Variants in KCNIP4 observed in about 807,000 individuals in gnomAD.
KCNIP4 encodes Kv channel-interacting protein 4.
In KCNIP4, 12 loss-of-function variants were observed where a neutral mutation model predicts 34.0. The ratio of observed to expected loss-of-function variants is 0.35; its 90% CI spans 0.23 to 0.57. KCNIP4 has a LOEUF of 0.57. Ranked by LOEUF, KCNIP4 falls within the 20% of genes least tolerant of loss-of-function variation. The pLI is 0.83. For synonymous variants in KCNIP4, 124 were observed against 102.2 expected (o/e 1.21, Z -1.29); for missense variants, 238 against 311.7 (o/e 0.76, Z 1.78).
rs1231187575 is a variant in KCNIP4 at position 21,234,487 on chromosome 4, G to A, written c.62-351778C>T. On this transcript the variant is annotated intron_variant, in intron 1 of 8. Coordinates refer to ENST00000382152, the MANE Select transcript of KCNIP4 (RefSeq NM_025221.6). Reference sequence around the variant, plus strand: ...GTATATAATATATAGTACATATAACGTATATAATATATATTACATATAACG... The same window carrying A: ...GTATATAATATATAGTACATATAACATATATAATATATATTACATATAACG... Among the ~76,000 whole-genome samples, 80 of 86,264 alleles carry A rather than the reference G, an allele frequency of 9.3e-4. 18 individuals are homozygous for A. The highest frequency in any genetic ancestry group is 1.7e-3 in the African/African-American group (27 of 15,988). The allele number at this position is 86,264 out of a possible 152,430, so 56.6% of individuals were successfully genotyped here. A position where few individuals can be genotyped will look rare whatever the true frequency, so the allele number is the denominator to read the frequency against.
intron 1 of KCNIP4, among the ~76,000 whole-genome samples, chr4:21,547,393 T>G (rs1289302196): frequency 6.6e-6 from 1 of 152,154 alleles, no homozygotes; most frequent in African/African-American, 2.4e-5. Context: ...TGTACATTTA[T>G]AGATTATATC....
intron 1 of KCNIP4, among the ~76,000 whole-genome samples, chr4:21,065,647 A>C (rs1744283587): frequency 6.7e-6 from 1 of 149,872 alleles, no homozygotes; most frequent in South Asian, 2.1e-4. Context: ...ACTACAATAT[A>C]ATCCAGTGGT....
At chr4:21,865,715 G>A (rs1242408015) in intron 1 of KCNIP4, among the ~76,000 whole-genome samples, 4 of 151,450 alleles carry the variant, frequency 2.6e-5, no homozygotes, top group Non-Finnish European at 5.9e-5. Context: ...GCTAATTTTT[G>A]TATTATTAGT....
chr4:21,023,596 A>C (rs920761082), intron 1 of KCNIP4, among the ~76,000 whole-genome samples: 2 of 152,192 alleles, frequency 1.3e-5, no homozygotes, highest in South Asian at 4.1e-4. Context: ...AACCATTAGG[A>C]AAATGAAAAT....
At chr4:21,822,696 TA>T (rs1417627165) in intron 1 of KCNIP4, among the ~76,000 whole-genome samples, 1 of 149,892 alleles carries the variant, frequency 6.7e-6, no homozygotes, top group African/African-American at 2.4e-5. Context: ...TTATTACCAG[TA>T]CAAAGTATAT....
chr4:21,532,045 T>C (rs1736724315), intron 1 of KCNIP4, among the ~76,000 whole-genome samples: 1 of 152,140 alleles, frequency 6.6e-6, no homozygotes, highest in Non-Finnish European at 1.5e-5. Context: ...ATGATACATA[T>C]TTTCTGAATA....
chr4:21,127,595 T>C (rs1341926118), intron 1 of KCNIP4, among the ~76,000 whole-genome samples: 1 of 152,200 alleles, frequency 6.6e-6, no homozygotes, highest in African/African-American at 2.4e-5. Flanking sequence ...ACTTTGCCTG[T>C]CCTGTTCACT....
chr4:21,121,343 GT>G (rs2109135751), intron 1 of KCNIP4, among the ~76,000 whole-genome samples: 1 of 152,206 alleles, frequency 6.6e-6, no homozygotes, highest in South Asian at 2.1e-4. Flanking sequence ...TTAAATCCTG[GT>G]TTTCTTGGTT....
intron 1 of KCNIP4, among the ~76,000 whole-genome samples, chr4:21,135,543 A>G (rs1423525078): frequency 6.6e-6 from 1 of 152,340 alleles, no homozygotes; most frequent in Non-Finnish European, 1.5e-5. Flanking sequence ...AAAATTGGCA[A>G]GTCCTACTGA....
At chr4:21,559,714 TCAAC>T (rs1246257555) in intron 1 of KCNIP4, among the ~76,000 whole-genome samples, 1 of 152,034 alleles carries the variant, frequency 6.6e-6, no homozygotes, top group African/African-American at 2.4e-5. Context: ...AGAGAAAGTA[TCAAC>T]CATATTTTAC....
intron 1 of KCNIP4, among the ~76,000 whole-genome samples, chr4:21,323,255 T>C (rs1246644222): frequency 1.3e-5 from 2 of 151,614 alleles, no homozygotes; most frequent in Non-Finnish European, 2.9e-5. Context: ...TTTTATCCTT[T>C]CTTTGTGTTA....
intron 1 of KCNIP4, among the ~76,000 whole-genome samples, chr4:21,179,752 C>T (rs1008464886): frequency 1.3e-5 from 2 of 152,112 alleles, no homozygotes; most frequent in East Asian, 3.8e-4. Flanking sequence ...TACAAAAAAA[C>T]TTATTTTCTT....
chr4:21,906,159 C>T (rs1210529851), intron 1 of KCNIP4, among the ~76,000 whole-genome samples: 1 of 152,176 alleles, frequency 6.6e-6, no homozygotes, highest in Non-Finnish European at 1.5e-5. Flanking sequence ...TATTTACTAC[C>T]TAGTTGTGGT....
rs1209033657 is a variant in KCNIP4 at position 21,304,041 on chromosome 4, GAGAGAGAGAGAGAGAGAGAGAGAGAGAC to G, written c.62-421360_62-421333del. ...AGGAGGAGAGCGTATGAGAGAGAGA[GAGAGAGAGAGAGAGAGAGAGAGAGAGAC>G]AGAGAGAGAGAGAGAGACAGAGAGA... On this transcript the variant is annotated intron_variant, in intron 1 of 8. Coordinates refer to ENST00000382152, the MANE Select transcript of KCNIP4 (RefSeq NM_025221.6). 5.7e-4 allele frequency: 290 copies of G among 508,024 alleles called. No individual in the cohort carries two copies. The African/African-American group carries it at 6.1e-3, about 11-fold the overall frequency. 31.5% of individuals were successfully genotyped at this position (508,024 alleles called of 1,614,324 possible). A position where few individuals can be genotyped will look rare whatever the true frequency, so the allele number is the denominator to read the frequency against.
At chr4:21,034,916 G>T (rs544967967) in intron 1 of KCNIP4, among the ~76,000 whole-genome samples, 18 of 152,166 alleles carry the variant, frequency 1.2e-4, no homozygotes, top group Non-Finnish European at 2.5e-4. Context: ...GCCCCCTAGG[G>T]TATGGATCAC....
chr4:21,734,891 C>T (rs1715879182), intron 1 of KCNIP4, among the ~76,000 whole-genome samples: 1 of 151,906 alleles, frequency 6.6e-6, no homozygotes, highest in Non-Finnish European at 1.5e-5. Context: ...TCACATAAGA[C>T]CAATTGCCTG....
At chr4:21,821,273 A>C (rs1307137019) in intron 1 of KCNIP4, among the ~76,000 whole-genome samples, 1 of 152,110 alleles carries the variant, frequency 6.6e-6, no homozygotes, top group Non-Finnish European at 1.5e-5. Flanking sequence ...AAGTGGAGAC[A>C]CCTTTCAATT....
At chr4:21,859,643 A>C (rs1724956190) in intron 1 of KCNIP4, among the ~76,000 whole-genome samples, 1 of 151,566 alleles carries the variant, frequency 6.6e-6, no homozygotes, top group African/African-American at 2.4e-5. Context: ...AAAAAAAGGA[A>C]TAGTGCTCTC....
At chr4:21,705,772 G>C (rs1374867742) in intron 1 of KCNIP4, among the ~76,000 whole-genome samples, 1 of 152,300 alleles carries the variant, frequency 6.6e-6, no homozygotes, top group East Asian at 1.9e-4. Context: ...TGCTTTCTCT[G>C]TATATGTAAC....
Sources: allele counts gnomAD v4.1 joint callset (sites outside exome capture counted in the v4.1 genomes callset), GRCh38; gene constraint gnomAD v4.1.1; transcripts MANE v1.5; gene names NCBI Gene and HGNC (gene_info 2026-07-23, HGNC 2026-07-21).